SGCZ: variants seen among roughly 807,000 people sequenced by gnomAD.
The protein encoded by SGCZ is zeta-sarcoglycan.
A neutral mutation model predicts 41.3 loss-of-function variants in SGCZ; 40 were observed. That is an observed-to-expected ratio of 0.97 (90% CI 0.75 to 1.26). The LOEUF (loss-of-function observed/expected upper bound fraction) is 1.26. Ranked by LOEUF, SGCZ falls within the 50% of genes most tolerant of loss-of-function variation. The pLI, the probability that SGCZ is intolerant of heterozygous loss-of-function variation, is 0.00. For synonymous variants in SGCZ, 206 were observed against 137.5 expected (o/e 1.50, Z -3.49); for missense variants, 552 against 369.8 (o/e 1.49, Z -4.04).
chr8:14,921,865 A>G (rs1192149063), intron 1 of SGCZ, among the ~76,000 whole-genome samples: 5 of 152,212 alleles, frequency 3.3e-5, no homozygotes, highest in Non-Finnish European at 5.9e-5. Flanking sequence ...GAAAGACAAG[A>G]TAAGAAAATA....
intron 1 of SGCZ, among the ~76,000 whole-genome samples, chr8:14,759,362 T>G (rs907963655): frequency 6.6e-6 from 1 of 152,124 alleles, no homozygotes. Flanking sequence ...AAAAATGTTA[T>G]TTTTTGGTTT....
chr8:14,778,684 A>G (rs1458172460), intron 1 of SGCZ, among the ~76,000 whole-genome samples: 1 of 152,202 alleles, frequency 6.6e-6, no homozygotes, highest in Non-Finnish European at 1.5e-5. Context: ...CAATATTTCA[A>G]TGACGAGGAA....
intron 2 of SGCZ, among the ~76,000 whole-genome samples, chr8:14,406,131 T>C (rs1301213839): frequency 6.6e-6 from 1 of 152,086 alleles, no homozygotes; most frequent in African/African-American, 2.4e-5. Context: ...CTTCTGTGCT[T>C]TTTGAACATA....
chr8:14,500,053 G>A (rs918455214), intron 2 of SGCZ, among the ~76,000 whole-genome samples: 1 of 152,018 alleles, frequency 6.6e-6, no homozygotes. Context: ...AAAACCTTTA[G>A]AGCACCCATT....
rs548078602 is a variant in SGCZ at position 14,306,082 on chromosome 8, G to A, written c.336+18021C>T. ...AAAGTTGACAAAATGAATCCTTGTGGTTTTAAGCTATTAAGTTTTGGGCAA... is the reference window on the plus strand; with the variant it reads ...AAAGTTGACAAAATGAATCCTTGTGATTTTAAGCTATTAAGTTTTGGGCAA... On this transcript the variant is annotated intron_variant, in intron 3 of 7. Coordinates refer to ENST00000382080, the MANE Select transcript of SGCZ (RefSeq NM_139167.4). 2.6e-5 allele frequency among the ~76,000 whole-genome samples: 4 copies of A among 152,276 alleles called. No individual in the cohort carries two copies. In the South Asian group the frequency reaches 8.3e-4, roughly 32 times the overall value.
rs187076420 is a variant in SGCZ at position 15,197,503 on chromosome 8, T to G, written c.39+40082A>C. ...TAGGAAGCACTGGTATCTTCGCAGA[T>G]AGAATTCTCAGTTGCAAATAATAGA... On this transcript the variant is annotated intron_variant, in intron 1 of 7. Coordinates refer to ENST00000382080, the MANE Select transcript of SGCZ (RefSeq NM_139167.4). 7.9e-4 allele frequency among the ~76,000 whole-genome samples: 121 copies of G among 152,312 alleles called. 1 individual carries two copies. Among genetic ancestry groups the G allele is most frequent in the African/African-American group, 2.8e-3 (117 of 41,572 alleles).
chr8:15,127,239 C>G (rs1488632972), intron 1 of SGCZ, among the ~76,000 whole-genome samples: 1 of 16,758 alleles, frequency 6.0e-5, no homozygotes, highest in East Asian at 2.8e-3. Flanking sequence ...TAGGCACACA[C>G]ACACACACAC....
rs567455209 is a variant in SGCZ at position 15,237,446 on chromosome 8, G to C, written c.39+139C>G. The C allele has an allele frequency of 1.5e-5, 15 of 1,020,732 alleles. No individual in the cohort carries two copies. The Admixed American group carries it at 3.3e-4, about 22-fold the overall frequency. The allele number at this position is 1,020,732 out of a possible 1,614,324, so 63.2% of individuals were successfully genotyped here. ...CCCCAGCAGGGGCGCCTGCGCCCGG[G>C]TGCGCGTCCCCCCAACGCCCCCTCG... On this transcript the variant is annotated intron_variant, in intron 1 of 7. Transcript: ENST00000382080.
chr8:14,546,860 A>C (rs536058062), intron 2 of SGCZ, among the ~76,000 whole-genome samples: 2 of 152,194 alleles, frequency 1.3e-5, no homozygotes, highest in Non-Finnish European at 2.9e-5. Context: ...CTCAGAAACT[A>C]TACAACCCAT....
intron 1 of SGCZ, among the ~76,000 whole-genome samples, chr8:14,637,310 A>ATTT (rs61226810): frequency 4.1e-5 from 6 of 147,576 alleles, no homozygotes; most frequent in African/African-American, 1.5e-4. Flanking sequence ...CTCTATTTTC[A>ATTT]TTTTTTTTTT....
At chr8:14,526,007 G>C (rs1308617729) in intron 2 of SGCZ, among the ~76,000 whole-genome samples, 1 of 151,968 alleles carries the variant, frequency 6.6e-6, no homozygotes, top group African/African-American at 2.4e-5. Flanking sequence ...GTAGTATTAG[G>C]TTTCTGTAAT....
At position 14,807,963 on chromosome 8, in the gene SGCZ, A is replaced by G. The variant is rs932855654; in HGVS notation, c.40-253037T>C. Among the ~76,000 whole-genome samples the G allele has an allele frequency of 1.3e-3, 196 of 151,678 alleles. 3 individuals carry two copies. Among genetic ancestry groups the G allele is most frequent in the Admixed American group, 0.011 (167 of 15,246 alleles). On this transcript the variant is annotated intron_variant, in intron 1 of 7. Transcript: ENST00000382080. ...CTATCTGATCTTTGACAAACCTGAGAAAAACAAACCATGGGGAAAGGATTC... is the reference window on the plus strand; with the variant it reads ...CTATCTGATCTTTGACAAACCTGAGGAAAACAAACCATGGGGAAAGGATTC...
chr8:14,801,214 T>C (rs773598600), intron 1 of SGCZ, among the ~76,000 whole-genome samples: 6 of 152,186 alleles, frequency 3.9e-5, no homozygotes, highest in Non-Finnish European at 7.3e-5. Flanking sequence ...ACAAACTCAG[T>C]GTATTGAAAC....
At chr8:14,260,205 A>T (rs1275634866) in intron 3 of SGCZ, among the ~76,000 whole-genome samples, 1 of 152,068 alleles carries the variant, frequency 6.6e-6, no homozygotes, top group African/African-American at 2.4e-5. Context: ...CATCTGACAA[A>T]GGGCTAATAT....
intron 1 of SGCZ, among the ~76,000 whole-genome samples, chr8:14,833,635 GGTGAAT>G (rs949920618): frequency 7.4e-4 from 112 of 152,268 alleles, no homozygotes; most frequent in Non-Finnish European, 1.5e-3. Context: ...AACTGCAAAA[GGTGAAT>G]GTGCTTGCAG....
intron 1 of SGCZ, among the ~76,000 whole-genome samples, chr8:14,835,507 T>A (rs1426093005): frequency 6.6e-6 from 1 of 152,194 alleles, no homozygotes; most frequent in African/African-American, 2.4e-5. Context: ...ATACTGCATT[T>A]CTCTCTGGTT....
intron 2 of SGCZ, among the ~76,000 whole-genome samples, chr8:14,395,667 A>G (rs1798896526): frequency 6.6e-6 from 1 of 152,216 alleles, no homozygotes; most frequent in African/African-American, 2.4e-5. Flanking sequence ...TCAATACTCT[A>G]AAATACCCTG....
chr8:14,484,128 TA>T lies in SGCZ; in HGVS notation c.234+70603del, dbSNP rs1189534772. On this transcript the variant is annotated intron_variant, in intron 2 of 7. Coordinates refer to ENST00000382080, the MANE Select transcript of SGCZ (RefSeq NM_139167.4). ...AAACAATTCAATTATTACAGCAAGT[TA>T]TACATATGTACAAACTGGTTATACA... Among the ~76,000 whole-genome samples the T allele has an allele frequency of 2.0e-5, 3 of 152,222 alleles. 1 individual carries two copies. The highest frequency in any genetic ancestry group is 7.2e-5 in the African/African-American group (3 of 41,462).
intron 1 of SGCZ, among the ~76,000 whole-genome samples, chr8:15,011,091 T>A (rs1211226795): frequency 6.6e-6 from 1 of 152,226 alleles, no homozygotes; most frequent in Admixed American, 6.5e-5. Flanking sequence ...CAATCTTATC[T>A]TCTTGTTTGC....
Sources: allele counts gnomAD v4.1 joint callset (sites outside exome capture counted in the v4.1 genomes callset), GRCh38; gene constraint gnomAD v4.1.1; transcripts MANE v1.5; gene names NCBI Gene and HGNC (gene_info 2026-07-23, HGNC 2026-07-21).